The following ABCC2 variants were observed in gnomAD, a reference collection of about 807,000 sequenced individuals.
ABCC2 encodes ATP-binding cassette sub-family C member 2.
In ABCC2, 157 loss-of-function variants were observed where a neutral mutation model predicts 173.4. The ratio of observed to expected loss-of-function variants is 0.91; its 90% CI spans 0.80 to 1.03. ABCC2 has a LOEUF of 1.03. Among genes scored for constraint, ABCC2 ranks in the 50% least tolerant of loss-of-function variants. The pLI is 0.00. For missense variants in ABCC2, 1,822 were observed against 1,852.3 expected, an observed-to-expected ratio of 0.98 and a Z score of 0.30; for synonymous variants, 657 against 693.5, an observed-to-expected ratio of 0.95 and a Z score of 0.83.
Position 99,850,799 on chromosome 10 carries a change from G to T in ABCC2, c.4508+3G>T, listed in dbSNP as rs750350188. On this transcript the variant is annotated splice_donor_region_variant and intron_variant, in intron 31 of 31. Coordinates refer to ENST00000647814, the MANE Select transcript of ABCC2 (RefSeq NM_000392.5). The stretch of plus-strand genomic sequence containing the variant: ...CACACCATCATGGACAGTGACAAGT[G>T]AGTGTAGGGGGACAGGGCTTGACAC... 4 of 1,614,162 alleles carry T rather than the reference G, an allele frequency of 2.5e-6. No homozygotes were observed. The highest frequency in any genetic ancestry group is 1.1e-5 in the South Asian group (1 of 91,088).
chr10:99,835,939 T>C, intron 24 of ABCC2, 152 bp from the exon 25 acceptor site: 1 of 777,364 alleles, frequency 1.3e-6, no homozygotes, highest in South Asian at 1.5e-5. Flanking sequence ...CTCATCATTC[T>C]GCTCCCAGAC....
intron 2 of ABCC2, among the ~76,000 whole-genome samples, chr10:99,790,080 A>G (rs1368606293): frequency 2.0e-5 from 3 of 152,224 alleles, no homozygotes; most frequent in Admixed American, 6.5e-5. Flanking sequence ...CTTTGTATAT[A>G]CTTGTGTATA....
intron 25 of ABCC2, among the ~76,000 whole-genome samples, chr10:99,841,317 C>G (rs762757730): frequency 6.6e-6 from 1 of 152,068 alleles, no homozygotes. Context: ...CTTTGGGAGA[C>G]TGAGGCAAGC....
Position 99,793,670 on chromosome 10 carries a change from C to A in ABCC2, c.453C>A (p.Ile151=). The part of the protein sequence containing the change: ...LCGTFQFQTL[I]RTLLQGDNSN... The stretch of plus-strand genomic sequence containing the variant: ...GCACTTTCCAATTTCAGACTCTGAT[C>A]CGGACACTCTTACAGGTAAGGAAAA... The change falls in exon 4 of 32, where the codon ATC becomes ATA. Residue 151 remains isoleucine (I), a synonymous_variant. Transcript: ENST00000647814. 5 of 1,614,038 alleles carry A rather than the reference C, an allele frequency of 3.1e-6. No homozygotes were observed. The highest frequency in any genetic ancestry group is 4.2e-6 in the Non-Finnish European group (5 of 1,179,984).
rs372589136 is a variant in ABCC2, at chr10:99,804,199, T to C, written c.1390T>C (p.Leu464=). The C allele has an allele frequency of 2.5e-5, 40 of 1,614,042 alleles. No individual in the cohort carries two copies. The highest frequency in any genetic ancestry group is 3.4e-5 in the Non-Finnish European group (40 of 1,180,022). The part of the protein sequence containing the change: ...FLWRELGPSV[L]AGVGVMVLVI... ...ATGGAGAGAGTTGGGACCCTCAGTC[T>C]TAGCAGGTGTTGGGGTGATGGTGCT... is the stretch of plus-strand genomic sequence containing the variant. The change falls in exon 10 of 32, where the codon TTA becomes CTA. Residue 464 remains leucine (L), a synonymous_variant. Transcript: ENST00000647814.
At chr10:99,848,266 A>G (rs940561819) in intron 30 of ABCC2, among the ~76,000 whole-genome samples, 9 of 152,246 alleles carry the variant, frequency 5.9e-5, no homozygotes, top group Non-Finnish European at 1.3e-4. Flanking sequence ...TGGCTTTCAC[A>G]GTTATTTTTA....
intron 7 of ABCC2, 179 bp downstream of exon 7, chr10:99,797,510 T>C (rs1590147522): frequency 1.6e-6 from 1 of 635,160 alleles, no homozygotes; most frequent in Non-Finnish European, 2.8e-6. Flanking sequence ...TGGCGTGTAA[T>C]GTACTGTTCT....
rs763072468 is a variant in ABCC2, at chr10:99,830,276, T to C, written c.2621-31T>C. The C allele has an allele frequency of 6.8e-6, 11 of 1,613,992 alleles. No homozygotes were observed. In the Middle Eastern group the frequency reaches 6.6e-4, roughly 97 times the overall value. The stretch of plus-strand genomic sequence containing the variant: ...TAGGACTGACAGGGATCTATGCAGC[T>C]CTTTCCCTAACCTCTACTGTGTCTC... On this transcript the variant is annotated intron_variant, in intron 19 of 31. Transcript: ENST00000647814.
rs1195316790 is a variant in ABCC2, at chr10:99,807,418, G to A, written c.1565G>A (p.Arg522Lys). The change falls in exon 12 of 32, where the codon AGA becomes AAA. Residue 522 changes from arginine to lysine, a missense_variant. Physicochemically the swap from Arg to Lys is conservative, Grantham distance 26. Coordinates refer to ENST00000647814, the MANE Select transcript of ABCC2 (RefSeq NM_000392.5). Reference sequence around the variant, plus strand: ...TATTTTGCCTGGGAACCTTCATTCAGAGACCAAGTACAAAACCTCCGGAAG... The same window carrying A: ...TATTTTGCCTGGGAACCTTCATTCAAAGACCAAGTACAAAACCTCCGGAAG... ...LKYFAWEPSF[R>K]DQVQNLRKKE... The A allele has an allele frequency of 5.0e-6, 8 of 1,614,050 alleles. No homozygotes were observed. The East Asian group carries it at 1.8e-4, about 36-fold the overall frequency.
chr10:99,850,496 A>T, intron 30 of ABCC2, 106 bp from the exon 31 acceptor site: 2 of 1,098,698 alleles, frequency 1.8e-6, no homozygotes, highest in Non-Finnish European at 2.7e-6. Flanking sequence ...GGAATTTTGG[A>T]GGGGGGGTTT....
At chr10:99,830,677 G>A in intron 20 of ABCC2, 39 bp from the exon 21 acceptor site, 1 of 1,613,778 alleles carries the variant, frequency 6.2e-7, no homozygotes, top group South Asian at 1.1e-5. Context: ...AAGACCCTTG[G>A]GAATTGCCTG....
chr10:99,794,466 CAGGT>C lies in ABCC2; in HGVS notation c.632+2_632+5del. 6.2e-7 allele frequency: 1 copy of C among 1,612,902 alleles called. No individual in the cohort carries two copies. Among genetic ancestry groups the C allele is most frequent in the South Asian group, 1.1e-5 (1 of 91,048 alleles). On this transcript the variant is annotated splice_donor_variant and coding_sequence_variant, in exon 6 of 32. Coordinates refer to ENST00000647814, the MANE Select transcript of ABCC2 (RefSeq NM_000392.5). LOFTEE classifies it high-confidence loss of function. The stretch of plus-strand genomic sequence containing the variant: ...GTAGCATTACCTACAGCTGGTATGA[CAGGT>C]AGGAAAGCCTGGAGTATGGATTGGC...
At chr10:99,820,944 A>G (rs112774653) in intron 19 of ABCC2, among the ~76,000 whole-genome samples, 3,971 of 152,292 alleles carry the variant, frequency 0.026, 156 homozygotes, top group African/African-American at 0.081. Flanking sequence ...AGCGTTTAGC[A>G]TATGGAGGAT....
chr10:99,851,553 A>C lies in ABCC2; in HGVS notation c.4560A>C (p.Glu1520Asp). The C allele has an allele frequency of 6.2e-7, 1 of 1,614,136 alleles. No individual in the cohort carries two copies. The highest frequency in any genetic ancestry group is 1.1e-5 in the South Asian group (1 of 91,082). The stretch of plus-strand genomic sequence containing the variant: ...TTATAGAGTGCGGCAGCCCTGAAGA[A>C]CTGCTACAAATCCCTGGACCCTTTT... ...GKIIECGSPEELLQIPGPFYF... is the reference protein window; with the variant it reads ...GKIIECGSPEDLLQIPGPFYF... The change falls in exon 32 of 32, where the codon GAA (glutamate) becomes GAC (aspartate). Residue 1520 changes from glutamate (E) to aspartate (D), a missense_variant. Physicochemically the swap from Glu to Asp is conservative, Grantham distance 45 (BLOSUM62 2). Transcript: ENST00000647814.
intron 16 of ABCC2, among the ~76,000 whole-genome samples, chr10:99,813,923 T>C (rs1484269888): frequency 6.6e-6 from 1 of 152,086 alleles, no homozygotes; most frequent in African/African-American, 2.4e-5. Context: ...CAGTAGATTG[T>C]ACAATCATCA....
intron 20 of ABCC2, 101 bp from the exon 21 acceptor site, chr10:99,830,615 C>T: frequency 6.3e-7 from 1 of 1,586,640 alleles, no homozygotes; most frequent in Non-Finnish European, 8.6e-7. Flanking sequence ...TGGTCATCTG[C>T]CCTGAAATGC....
intron 27 of ABCC2, 94 bp downstream of exon 27, chr10:99,843,994 G>A: frequency 9.3e-7 from 1 of 1,076,458 alleles, no homozygotes; most frequent in South Asian, 1.2e-5. Context: ...ATTTTACATG[G>A]GCCCATAATG....
At chr10:99,844,557 C>T in intron 28 of ABCC2, 92 bp downstream of exon 28, 1 of 1,535,858 alleles carries the variant, frequency 6.5e-7, no homozygotes, top group East Asian at 2.2e-5. Context: ...AAGCCTTCAT[C>T]ATTTGGATGG....
rs2037937476 is a variant in ABCC2 at position 99,797,423 on chromosome 10, A to G, written c.867+92A>G. On this transcript the variant is annotated intron_variant, in intron 7 of 31. Coordinates refer to ENST00000647814, the MANE Select transcript of ABCC2 (RefSeq NM_000392.5). Reference sequence around the variant, plus strand: ...GGCGATTCTGTCCTTACATTTTTATAGCACTTCATACTTCTCAGTGCACTT... The same window carrying G: ...GGCGATTCTGTCCTTACATTTTTATGGCACTTCATACTTCTCAGTGCACTT... 5 of 1,128,154 alleles carry G rather than the reference A, an allele frequency of 4.4e-6. No homozygotes were observed. The African/African-American group carries it at 6.1e-5, about 14-fold the overall frequency. The allele number at this position is 1,128,154 out of a possible 1,614,324, so 69.9% of individuals were successfully genotyped here.
Sources: gnomAD v4.1 joint callset for allele counts (sites outside exome capture counted in the v4.1 genomes callset) on GRCh38, gnomAD v4.1.1 for gene constraint, MANE v1.5 for transcripts, NCBI Gene and HGNC (gene_info 2026-07-23, HGNC 2026-07-21) for gene names.